Variants in NIPAL2 observed in about 807,000 individuals in gnomAD.
NIPAL2 encodes the protein NIPA like domain containing 2.
NIPAL2 carries 43 observed loss-of-function variants against 48.9 expected under a neutral mutation model. The ratio of observed to expected loss-of-function variants is 0.88; its 90% CI spans 0.69 to 1.13. NIPAL2 has a LOEUF of 1.13. Ranked by LOEUF, NIPAL2 falls within the 50% of genes most tolerant of loss-of-function variation. NIPAL2 has a pLI of 0.00. For synonymous variants in NIPAL2, 167 were observed against 174.6 expected (o/e 0.96, Z 0.34); for missense variants, 446 against 461.4 (o/e 0.97, Z 0.31).
In NIPAL2 at chr8:98,248,084, A is replaced by G. The variant is rs150329763; in HGVS notation, c.376+4379T>C. On this transcript the variant is annotated intron_variant, in intron 3 of 10. Coordinates refer to ENST00000430223, the MANE Select transcript of NIPAL2 (RefSeq NM_001321635.2). ...ACTCCTGTATTGGTTTTTAAAATGTATTTCGTGTTGGTAGGTTATTTGGAA... is the reference window on the plus strand; with the variant it reads ...ACTCCTGTATTGGTTTTTAAAATGTGTTTCGTGTTGGTAGGTTATTTGGAA... Among the ~76,000 whole-genome samples, 727 of 152,274 alleles carry G rather than the reference A, an allele frequency of 4.8e-3. 9 individuals carry two copies. Among genetic ancestry groups the G allele is most frequent in the African/African-American group, 0.017 (696 of 41,560 alleles).
intron 3 of NIPAL2, among the ~76,000 whole-genome samples, chr8:98,247,842 A>G (rs1274416576): frequency 1.3e-5 from 2 of 152,116 alleles, no homozygotes; most frequent in African/African-American, 4.8e-5. Flanking sequence ...TTTTATTACA[A>G]ACTCCACAGA....
chr8:98,244,551 T>G (rs1586388560), intron 3 of NIPAL2, among the ~76,000 whole-genome samples: 5 of 50,270 alleles, frequency 9.9e-5, no homozygotes, highest in Admixed American at 2.7e-4. Flanking sequence ...GATGAGAGGG[T>G]GGGCTGTGAT....
rs939816938 is a variant in NIPAL2 at position 98,230,437 on chromosome 8, G to T, written c.436+5718C>A. On this transcript the variant is annotated intron_variant, in intron 4 of 10. Coordinates refer to ENST00000430223, the MANE Select transcript of NIPAL2 (RefSeq NM_001321635.2). ...CCAAGGCAAATGTATTTGAGCAGAGGTGAATTAAACAAACTTAAATCATTC... is the reference window on the plus strand; with the variant it reads ...CCAAGGCAAATGTATTTGAGCAGAGTTGAATTAAACAAACTTAAATCATTC... Among the ~76,000 whole-genome samples the T allele has an allele frequency of 4.6e-5, 7 of 152,294 alleles. No homozygotes were observed. In the East Asian group the frequency reaches 1.2e-3, roughly 25 times the overall value.
At chr8:98,241,242 C>A (rs903699746) in intron 3 of NIPAL2, among the ~76,000 whole-genome samples, 1 of 152,180 alleles carries the variant, frequency 6.6e-6, no homozygotes, top group African/African-American at 2.4e-5. Flanking sequence ...AACACAACCC[C>A]AGTGGATAAA....
rs75385444 is a variant in NIPAL2, at chr8:98,208,942, A to G, written c.655+3463T>C. Among the ~76,000 whole-genome samples, 34 of 152,240 alleles carry G rather than the reference A, an allele frequency of 2.2e-4. No homozygotes were observed. In the East Asian group the frequency reaches 6.0e-3, roughly 27 times the overall value. ...TGACTTTCATAATTACTTTTTTAAA[A>G]CGTACTAATGCTCATTTACAATATT... On this transcript the variant is annotated intron_variant, in intron 6 of 10. Coordinates refer to ENST00000430223, the MANE Select transcript of NIPAL2 (RefSeq NM_001321635.2).
chr8:98,203,009 A>G (rs749043575), intron 8 of NIPAL2, 99 bp downstream of exon 8: 3 of 926,812 alleles, frequency 3.2e-6, no homozygotes, highest in Non-Finnish European at 5.2e-6. Flanking sequence ...GAGGCAACAC[A>G]GATCCTTACA....
chr8:98,283,962 G>A (rs1156493654), intron 1 of NIPAL2, among the ~76,000 whole-genome samples: 1 of 152,168 alleles, frequency 6.6e-6, no homozygotes, highest in Non-Finnish European at 1.5e-5. Context: ...AATCGAGGCA[G>A]ACAATCAAGT....
chr8:98,213,286 T>G (rs1811413227), intron 5 of NIPAL2, among the ~76,000 whole-genome samples: 1 of 152,222 alleles, frequency 6.6e-6, no homozygotes, highest in African/African-American at 2.4e-5. Context: ...CACATTTTTA[T>G]ATGTCCCTAA....
chr8:98,245,411 AG>A lies in NIPAL2; in HGVS notation c.376+7051del, dbSNP rs147738062. On this transcript the variant is annotated intron_variant, in intron 3 of 10. Coordinates refer to ENST00000430223, the MANE Select transcript of NIPAL2 (RefSeq NM_001321635.2). ...AAAAATGTCATCTTACAGCGGGAAA[AG>A]TTCTACCATTCATGTTGGCAGGAAG... Among the ~76,000 whole-genome samples, 1,078 of 152,302 alleles carry A rather than the reference AG, an allele frequency of 7.1e-3. 11 individuals are homozygous for A. The highest frequency in any genetic ancestry group is 0.024 in the African/African-American group (983 of 41,562).
At chr8:98,242,017 T>G (rs1445583491) in intron 3 of NIPAL2, among the ~76,000 whole-genome samples, 6 of 152,176 alleles carry the variant, frequency 3.9e-5, no homozygotes, top group Non-Finnish European at 2.9e-5. Context: ...AATACACCAT[T>G]GGTATACCAT....
intron 1 of NIPAL2, among the ~76,000 whole-genome samples, chr8:98,272,016 G>A (rs1241562819): frequency 6.6e-6 from 1 of 151,764 alleles, no homozygotes; most frequent in Non-Finnish European, 1.5e-5. Context: ...TGAGTATGTT[G>A]AACCAAATTT....
At chr8:98,261,540 G>T (rs1381040441) in intron 1 of NIPAL2, among the ~76,000 whole-genome samples, 1 of 136,030 alleles carries the variant, frequency 7.4e-6, no homozygotes, top group Non-Finnish European at 1.6e-5. Context: ...AATGGAAGAT[G>T]AAATGAATGA....
chr8:98,256,268 C>G (rs761011386), intron 1 of NIPAL2, among the ~76,000 whole-genome samples: 1 of 152,164 alleles, frequency 6.6e-6, no homozygotes, highest in African/African-American at 2.4e-5. Flanking sequence ...AAGTGATCTG[C>G]CTGCCTCAGC....
chr8:98,264,033 A>G (rs1165851040), intron 1 of NIPAL2, among the ~76,000 whole-genome samples: 2 of 150,692 alleles, frequency 1.3e-5, no homozygotes, highest in Non-Finnish European at 3.0e-5. Context: ...CAAAAACCAC[A>G]TGATTATCTC....
chr8:98,245,865 T>C (rs1209765004), intron 3 of NIPAL2, among the ~76,000 whole-genome samples: 1 of 152,238 alleles, frequency 6.6e-6, no homozygotes, highest in Admixed American at 6.5e-5. Context: ...TTATGTAGGC[T>C]GGTTTTTGGA....
intron 8 of NIPAL2, among the ~76,000 whole-genome samples, chr8:98,201,765 C>G (rs1367952986): frequency 6.6e-6 from 1 of 152,044 alleles, no homozygotes; most frequent in Non-Finnish European, 1.5e-5. Context: ...GCTTAAAATA[C>G]TAAAAAATTA....
chr8:98,259,139 C>T (rs958764557), intron 1 of NIPAL2, among the ~76,000 whole-genome samples: 7 of 127,338 alleles, frequency 5.5e-5, no homozygotes, highest in East Asian at 4.5e-4. Context: ...TGCAGTGGCG[C>T]GATCTCGACT....
chr8:98,251,214 A>G (rs1312848928), intron 3 of NIPAL2, among the ~76,000 whole-genome samples: 1 of 152,010 alleles, frequency 6.6e-6, no homozygotes, highest in Non-Finnish European at 1.5e-5. Context: ...GAAAAAAACT[A>G]AAGATCAGCA....
chr8:98,290,621 A>G (rs1197055711), intron 1 of NIPAL2, among the ~76,000 whole-genome samples: 1 of 152,248 alleles, frequency 6.6e-6, no homozygotes, highest in Non-Finnish European at 1.5e-5. Flanking sequence ...TTGTCCAAGT[A>G]TGCTAGTTAA....
Sources: allele counts gnomAD v4.1 joint callset (sites outside exome capture counted in the v4.1 genomes callset), GRCh38; gene constraint gnomAD v4.1.1; transcripts MANE v1.5; gene names NCBI Gene and HGNC (gene_info 2026-07-23, HGNC 2026-07-21).